HSF2BP: variants seen among roughly 807,000 people sequenced by gnomAD.
HSF2BP encodes heat shock factor 2-binding protein.
HSF2BP carries 35 observed loss-of-function variants against 35.0 expected under a neutral mutation model. The observed-to-expected ratio is 1.00, with a 90% CI of 0.76 to 1.32. The LOEUF (loss-of-function observed/expected upper bound fraction) is 1.32, where lower values mean the gene tolerates loss of function less well. HSF2BP is among the 40% of genes most tolerant of loss of function. The pLI is 0.00. For synonymous variants in HSF2BP, 114 were observed against 117.4 expected, an observed-to-expected ratio of 0.97 and a Z score of 0.18; for missense variants, 326 against 321.7, an observed-to-expected ratio of 1.01 and a Z score of -0.10.
rs2082908376 is a variant in HSF2BP at position 43,658,246 on chromosome 21, C to G, written c.-150G>C. 1.1e-6 allele frequency: 1 copy of G among 932,668 alleles called. No homozygotes were observed. The highest frequency in any genetic ancestry group is 1.5e-6 in the Non-Finnish European group (1 of 650,172). The allele number at this position is 932,668 out of a possible 1,614,324, so 57.8% of individuals were successfully genotyped here. ...CCAGAATTTGCGCAGTATTCTCGGC[C>G]TAGAGAGCGAGGAGTGGCCTTGGCG... On this transcript the variant is annotated 5_prime_UTR_variant, in exon 2 of 9. Coordinates refer to ENST00000291560, the MANE Select transcript of HSF2BP (RefSeq NM_007031.2).
At chr21:43,629,982 T>C (rs113677947) in intron 6 of HSF2BP, among the ~76,000 whole-genome samples, 6,246 of 152,286 alleles carry the variant, frequency 0.041, 440 homozygotes, top group African/African-American at 0.14. Flanking sequence ...TTTTAAGAAA[T>C]TGGCACAGCC....
chr21:43,619,227 T>C (rs2082305376), intron 6 of HSF2BP, among the ~76,000 whole-genome samples: 1 of 152,220 alleles, frequency 6.6e-6, no homozygotes, highest in African/African-American at 2.4e-5. Context: ...TGCAGTAATC[T>C]GGAACCAAAC....
intron 8 of HSF2BP, among the ~76,000 whole-genome samples, chr21:43,576,560 C>T (rs2081646870): frequency 6.6e-6 from 1 of 152,338 alleles, no homozygotes; most frequent in Middle Eastern, 3.4e-3. Context: ...GTCTACACAA[C>T]ACTATATAGA....
chr21:43,642,123 C>G (rs1455358131), intron 4 of HSF2BP, among the ~76,000 whole-genome samples: 1 of 148,980 alleles, frequency 6.7e-6, no homozygotes, highest in Admixed American at 6.7e-5. Context: ...ATAGTGAGAC[C>G]CCATCTCTAT....
At chr21:43,628,137 C>T (rs2082411789) in intron 6 of HSF2BP, among the ~76,000 whole-genome samples, 1 of 152,166 alleles carries the variant, frequency 6.6e-6, no homozygotes. Flanking sequence ...CTACAATGAC[C>T]TCTAAATGTT....
In HSF2BP at chr21:43,620,705, A is replaced by ACAT. The variant is rs536672707; in HGVS notation, c.575-6761_575-6759dup. 8.0e-4 allele frequency among the ~76,000 whole-genome samples: 121 copies of ACAT among 151,680 alleles called. No individual in the cohort carries two copies. In the East Asian group the frequency reaches 0.011, roughly 14 times the overall value. On this transcript the variant is annotated intron_variant, in intron 6 of 8. Transcript: ENST00000291560. ...GCAAGATCCCATCTCTAAAAAATCA[A>ACAT]CATCATCATCATCATCATCATCATC...
the HSF2BP span, among the ~76,000 whole-genome samples, chr21:43,499,941 CCA>C: frequency 1.5e-4 from 15 of 101,150 alleles, 5 homozygotes; most frequent in South Asian, 5.9e-4. Context: ...CACGCTCACC[CCA>C]CACACTCCAC....
At chr21:43,630,736 A>T (rs1051333192) in intron 5 of HSF2BP, among the ~76,000 whole-genome samples, 2 of 152,216 alleles carry the variant, frequency 1.3e-5, no homozygotes, top group Non-Finnish European at 2.9e-5. Context: ...CTCAAAATGT[A>T]ATAAAAATAT....
intron 4 of HSF2BP, among the ~76,000 whole-genome samples, chr21:43,635,435 A>C (rs559270728): frequency 9.2e-5 from 14 of 152,300 alleles, no homozygotes; most frequent in Non-Finnish European, 1.9e-4. Context: ...GAAAAAACTA[A>C]CTATAAACCT....
chr21:43,656,464 T>C, intron 3 of HSF2BP, 123 bp downstream of exon 3: 1 of 931,804 alleles, frequency 1.1e-6, no homozygotes, highest in Non-Finnish European at 1.6e-6. Flanking sequence ...CATCAGACTC[T>C]CCCAAATATC....
chr21:43,623,762 T>C (rs1215013338), intron 6 of HSF2BP, among the ~76,000 whole-genome samples: 1 of 152,156 alleles, frequency 6.6e-6, no homozygotes, highest in African/African-American at 2.4e-5. Flanking sequence ...GTTCAGCTAT[T>C]GTCCTGACAG....
At chr21:43,592,529 T>C (rs1283524936) in intron 7 of HSF2BP, among the ~76,000 whole-genome samples, 1 of 152,204 alleles carries the variant, frequency 6.6e-6, no homozygotes, top group Non-Finnish European at 1.5e-5. Flanking sequence ...TATCACATAA[T>C]ACCGCCTTTC....
chr21:43,647,569 T>A (rs2082725284), intron 3 of HSF2BP, among the ~76,000 whole-genome samples: 1 of 152,190 alleles, frequency 6.6e-6, no homozygotes, highest in Admixed American at 6.5e-5. Flanking sequence ...AACATGAGAA[T>A]GGCTGTGTCT....
intron 8 of HSF2BP, among the ~76,000 whole-genome samples, chr21:43,579,949 G>C (rs1202107399): frequency 2.0e-5 from 3 of 152,188 alleles, no homozygotes; most frequent in African/African-American, 7.2e-5. Flanking sequence ...TGGAAGTGAA[G>C]GGACTCACCC....
intron 3 of HSF2BP, among the ~76,000 whole-genome samples, chr21:43,655,200 G>A (rs887590639): frequency 1.8e-4 from 27 of 152,356 alleles, no homozygotes; most frequent in Admixed American, 1.4e-3. Flanking sequence ...TGCTACTGGT[G>A]TATGCCTATT....
chr21:43,573,362 C>A (rs2081600767), intron 8 of HSF2BP, among the ~76,000 whole-genome samples: 1 of 152,214 alleles, frequency 6.6e-6, no homozygotes, highest in Admixed American at 6.6e-5. Flanking sequence ...GAGCCCAAGG[C>A]TCCCCTTGAG....
At chr21:43,640,084 C>T (rs79866314) in intron 4 of HSF2BP, among the ~76,000 whole-genome samples, 6,231 of 152,222 alleles carry the variant, frequency 0.041, 438 homozygotes, top group African/African-American at 0.14. Context: ...AAAGGATCAA[C>T]TGAGCCCAGG....
In HSF2BP at chr21:43,656,455, A is replaced by T. The variant is rs1397590382; in HGVS notation, c.187+132T>A. 5 of 877,634 alleles carry T rather than the reference A, an allele frequency of 5.7e-6. No individual in the cohort carries two copies. In the African/African-American group the frequency reaches 8.4e-5, roughly 15 times the overall value. The allele number at this position is 877,634 out of a possible 1,614,324, so 54.4% of individuals were successfully genotyped here. ...TGAGGAAACCTCCCTTTCTTAGGTC[A>T]TCAGACTCTCCCAAATATCATCACA... On this transcript the variant is annotated intron_variant, in intron 3 of 8. Coordinates refer to ENST00000291560, the MANE Select transcript of HSF2BP (RefSeq NM_007031.2).
intron 8 of HSF2BP, among the ~76,000 whole-genome samples, chr21:43,585,364 T>G (rs1345105027): frequency 1.3e-5 from 2 of 152,074 alleles, no homozygotes; most frequent in Non-Finnish European, 2.9e-5. Context: ...GACTGTTCAG[T>G]AAGGAGAGGT....
Sources: allele counts gnomAD v4.1 joint callset (sites outside exome capture counted in the v4.1 genomes callset), GRCh38; gene constraint gnomAD v4.1.1; transcripts MANE v1.5; gene names NCBI Gene and HGNC (gene_info 2026-07-23, HGNC 2026-07-21).